The following RBFOX3 variants were observed in gnomAD, a reference collection of about 807,000 sequenced individuals.
The protein encoded by RBFOX3 is RNA binding protein fox-1 homolog 3.
RBFOX3 carries 17 observed loss-of-function variants against 48.7 expected under a neutral mutation model. The ratio of observed to expected loss-of-function variants is 0.35; its 90% confidence interval spans 0.24 to 0.52. The LOEUF (loss-of-function observed/expected upper bound fraction) is 0.52. RBFOX3 is among the 20% of genes least tolerant of loss of function. RBFOX3 has a pLI of 0.94. For missense variants in RBFOX3, 382 were observed against 497.5 expected (o/e 0.77, Z 2.21); for synonymous variants, 212 against 209.5 (o/e 1.01, Z -0.10).
chr17:79,409,995 G>A (rs545687282), intron 2 of RBFOX3, among the ~76,000 whole-genome samples: 61 of 152,354 alleles, frequency 4.0e-4, no homozygotes, highest in African/African-American at 9.6e-4. Flanking sequence ...CAGACAATGC[G>A]AATGGAAGGA....
intron 14 of RBFOX3, chr17:79,092,288 A>G: frequency 1.0e-6 from 1 of 985,520 alleles, no homozygotes; most frequent in Non-Finnish European, 1.2e-6. Flanking sequence ...CCTGGACCCC[A>G]CGGTGTGCAC....
chr17:79,661,181 C>A, the RBFOX3 span, among the ~76,000 whole-genome samples: 2 of 152,158 alleles, frequency 1.3e-5, no homozygotes, highest in African/African-American at 4.8e-5. Flanking sequence ...GGGCTTAATA[C>A]TTAGGTGATG....
At chr17:79,399,562 C>G (rs934239966) in intron 2 of RBFOX3, among the ~76,000 whole-genome samples, 2 of 152,142 alleles carry the variant, frequency 1.3e-5, no homozygotes, top group African/African-American at 4.8e-5. Flanking sequence ...CAAAATCCCA[C>G]ACGGTGGCCG....
intron 2 of RBFOX3, among the ~76,000 whole-genome samples, chr17:79,326,685 C>T (rs2079382206): frequency 6.6e-6 from 1 of 152,170 alleles, no homozygotes; most frequent in African/African-American, 2.4e-5. Flanking sequence ...TGCTCCCCAG[C>T]TCCTCTCCAG....
chr17:79,104,909 G>A (rs1428615824), intron 6 of RBFOX3, among the ~76,000 whole-genome samples: 6 of 8,512 alleles, frequency 7.0e-4, no homozygotes, highest in African/African-American at 1.4e-3. Context: ...CTGTGCTGGC[G>A]TGCGGTGCTG....
intron 4 of RBFOX3, among the ~76,000 whole-genome samples, chr17:79,154,376 G>A (rs939543659): frequency 2.6e-5 from 4 of 152,238 alleles, no homozygotes; most frequent in Admixed American, 1.3e-4. Flanking sequence ...CCCGCAGACT[G>A]TGAGCCTGTG....
rs1466363194 is a variant in RBFOX3, at chr17:79,364,832, G to A, written c.-174-57008C>T. Reference sequence around the variant, plus strand: ...ACGCATGTGGCCTTACCTACAGCCTGGGTTGCTCCCTCAGCTGGAGAGGCT... The same window carrying A: ...ACGCATGTGGCCTTACCTACAGCCTAGGTTGCTCCCTCAGCTGGAGAGGCT... On this transcript the variant is annotated intron_variant, in intron 2 of 14. Coordinates refer to ENST00000693108, the MANE Select transcript of RBFOX3 (RefSeq NM_001350451.2). The surrounding 1 kb of genome is among the most constrained non-coding windows in gnomAD (Gnocchi z 5.1). Among the ~76,000 whole-genome samples, 8 of 152,172 alleles carry A rather than the reference G, an allele frequency of 5.3e-5. No homozygotes were observed. Among genetic ancestry groups the A allele is most frequent in the Non-Finnish European group, 1.0e-4 (7 of 68,034 alleles).
intron 3 of RBFOX3, among the ~76,000 whole-genome samples, chr17:79,288,723 ATGCTCTCC>A (rs1480091115): frequency 6.6e-6 from 1 of 152,012 alleles, no homozygotes; most frequent in Non-Finnish European, 1.5e-5. Flanking sequence ...CCACAGCGAC[ATGCTCTCC>A]TGGGATGATC....
intron 2 of RBFOX3, among the ~76,000 whole-genome samples, chr17:79,350,032 C>A (rs1248472081): frequency 2.0e-5 from 3 of 152,196 alleles, no homozygotes; most frequent in Admixed American, 6.5e-5. Flanking sequence ...TCATTCAGAT[C>A]TGCTCATCCC....
chr17:79,518,026 G>GT (rs1398872500), intron 1 of RBFOX3, among the ~76,000 whole-genome samples: 1 of 152,144 alleles, frequency 6.6e-6, no homozygotes, highest in African/African-American at 2.4e-5. Context: ...TAATTAAACA[G>GT]TATCCACAGG....
intron 1 of RBFOX3, among the ~76,000 whole-genome samples, chr17:79,509,359 C>T (rs1457758983): frequency 6.6e-6 from 1 of 152,094 alleles, no homozygotes; most frequent in Non-Finnish European, 1.5e-5. Context: ...TCCCCACACC[C>T]CCTCCAGCCC....
At chr17:79,469,517 C>T (rs376867253) in intron 2 of RBFOX3, among the ~76,000 whole-genome samples, 7,241 of 152,284 alleles carry the variant, frequency 0.048, 545 homozygotes, top group African/African-American at 0.16. Flanking sequence ...TCCCTGTCCC[C>T]TGTCCTGCAG....
chr17:79,530,760 G>T (rs1439597459), intron 1 of RBFOX3, among the ~76,000 whole-genome samples: 2 of 152,230 alleles, frequency 1.3e-5, no homozygotes, highest in African/African-American at 4.8e-5. Flanking sequence ...GATGTTCTGG[G>T]GAGGTGCCCA....
At chr17:79,224,115 C>T (rs1351713215) in intron 4 of RBFOX3, among the ~76,000 whole-genome samples, 2 of 152,168 alleles carry the variant, frequency 1.3e-5, no homozygotes, top group Non-Finnish European at 2.9e-5. Context: ...ATGGTGGTCA[C>T]TGAGGCATTA....
chr17:79,658,637 T>C, the RBFOX3 span, among the ~76,000 whole-genome samples: 1 of 151,952 alleles, frequency 6.6e-6, no homozygotes, highest in Admixed American at 6.5e-5. Flanking sequence ...AGAGCTAAGA[T>C]GCAAATGGTC....
intron 1 of RBFOX3, among the ~76,000 whole-genome samples, chr17:79,497,724 A>G (rs2081759005): frequency 6.6e-6 from 1 of 152,226 alleles, no homozygotes; most frequent in Non-Finnish European, 1.5e-5. Context: ...GGCTGGTGGT[A>G]CTGAGGGGCC....
chr17:79,189,261 A>G (rs532216392), intron 4 of RBFOX3, among the ~76,000 whole-genome samples: 2 of 152,306 alleles, frequency 1.3e-5, no homozygotes, highest in South Asian at 4.2e-4. Context: ...TGCCCATTCG[A>G]TATATGATGA....
intron 2 of RBFOX3, among the ~76,000 whole-genome samples, chr17:79,375,126 T>G (rs781151448): frequency 6.6e-6 from 1 of 152,144 alleles, no homozygotes; most frequent in Admixed American, 6.5e-5. Context: ...TAATGTGACA[T>G]CCCCGGGAGC....
At chr17:79,097,855 AG>A (rs1478742282) in intron 9 of RBFOX3, 110 bp from the exon 10 acceptor site, 10 of 1,210,034 alleles carry the variant, frequency 8.3e-6, no homozygotes, top group Non-Finnish European at 1.1e-5. Context: ...GAACATTCCC[AG>A]GGCGCCTCCC....
Sources: allele counts gnomAD v4.1 joint callset (sites outside exome capture counted in the v4.1 genomes callset), GRCh38; gene constraint gnomAD v4.1.1; non-coding constraint Gnocchi (gnomAD v3.1); transcripts MANE v1.5; gene names NCBI Gene and HGNC (gene_info 2026-07-23, HGNC 2026-07-21).